Variants in RARRES1 observed in about 807,000 individuals in gnomAD.
RARRES1 encodes retinoic acid receptor responder 1.
In RARRES1, 34 loss-of-function variants were observed where a neutral mutation model predicts 30.6. The observed-to-expected ratio is 1.11, with a 90% CI of 0.84 to 1.48. RARRES1 has a LOEUF of 1.48. Among genes scored for constraint, RARRES1 ranks in the 40% most tolerant of loss-of-function variants. The probability of loss-of-function intolerance (pLI) is 0.00; values close to 1 mark genes in which losing one functional copy is unlikely to be tolerated. For synonymous variants in RARRES1, 153 were observed against 155.5 expected, an observed-to-expected ratio of 0.98 and a Z score of 0.12; for missense variants, 373 against 386.5, an observed-to-expected ratio of 0.97 and a Z score of 0.29.
chr3:158,732,350 G>C lies in RARRES1; in HGVS notation c.66C>G (p.Ala22=), dbSNP rs1337203933. The part of the protein sequence containing the change: ...WSGPRGPRPT[A]PLLALLLLLA... ...GCAACAGCAGCAGCGCGAGCAGCGG[G>C]GCGGTGGGGCGCGGGCCCCTGGGCC... Residue 22 remains alanine (A), a synonymous_variant, in exon 1 of 6, where the codon GCC becomes GCG. Transcript: ENST00000237696. 2 of 1,442,638 alleles carry C rather than the reference G, an allele frequency of 1.4e-6. No homozygotes were observed. Among genetic ancestry groups the C allele is most frequent in the Non-Finnish European group, 1.8e-6 (2 of 1,105,244 alleles). The allele number at this position is 1,442,638 out of a possible 1,614,324, so 89.4% of individuals were successfully genotyped here.
In RARRES1 at chr3:158,697,578, A is replaced by T. The variant is rs552213728; in HGVS notation, c.*100T>A. The T allele has an allele frequency of 5.2e-5, 67 of 1,285,990 alleles. No homozygotes were observed. Among genetic ancestry groups the T allele is most frequent in the Non-Finnish European group, 6.8e-5 (64 of 934,702 alleles). The allele number at this position is 1,285,990 out of a possible 1,614,324, so 79.7% of individuals were successfully genotyped here. On this transcript the variant is annotated 3_prime_UTR_variant, in exon 6 of 6. Coordinates refer to ENST00000237696, the MANE Select transcript of RARRES1 (RefSeq NM_206963.2). ...TTTACTTGTAATCATAGGTTTTCCCAAATTATTAGAATGTCTATACCTTAG... is the reference window on the plus strand; with the variant it reads ...TTTACTTGTAATCATAGGTTTTCCCTAATTATTAGAATGTCTATACCTTAG...
intron 3 of RARRES1, 106 bp from the exon 4 acceptor site, chr3:158,705,033 C>G: frequency 1.4e-6 from 2 of 1,403,924 alleles, no homozygotes; most frequent in South Asian, 2.9e-5. Context: ...CCAGTCATCT[C>G]TCTCACAGCA....
chr3:158,715,276 A>G (rs1196910429), intron 1 of RARRES1, among the ~76,000 whole-genome samples: 1 of 152,212 alleles, frequency 6.6e-6, no homozygotes, highest in Non-Finnish European at 1.5e-5. Context: ...TATCTTGGAA[A>G]CAGTTTTGTA....
At chr3:158,717,272 A>G (rs1033839379) in intron 1 of RARRES1, among the ~76,000 whole-genome samples, 1 of 152,270 alleles carries the variant, frequency 6.6e-6, no homozygotes, top group Non-Finnish European at 1.5e-5. Context: ...TGGGTGCAGG[A>G]AAGACAGAGC....
chr3:158,700,099 C>A (rs1026952635), intron 4 of RARRES1, among the ~76,000 whole-genome samples: 10 of 151,738 alleles, frequency 6.6e-5, no homozygotes, highest in Non-Finnish European at 1.5e-4. Flanking sequence ...TTTGGGAGGC[C>A]AAAGTGGGAG....
At chr3:158,729,645 G>T (rs1433494750) in intron 1 of RARRES1, among the ~76,000 whole-genome samples, 1 of 151,934 alleles carries the variant, frequency 6.6e-6, no homozygotes, top group Non-Finnish European at 1.5e-5. Context: ...GTAGAGAAGG[G>T]GTTTCACTAT....
At chr3:158,707,731 T>C (rs1726973495) in intron 3 of RARRES1, among the ~76,000 whole-genome samples, 1 of 152,196 alleles carries the variant, frequency 6.6e-6, no homozygotes, top group African/African-American at 2.4e-5. Context: ...AATAGCAGCA[T>C]TGAAGACTCA....
At chr3:158,701,974 A>G (rs567518500) in intron 4 of RARRES1, among the ~76,000 whole-genome samples, 29 of 151,548 alleles carry the variant, frequency 1.9e-4, no homozygotes, top group African/African-American at 4.6e-4. Flanking sequence ...TCGCAGGGGG[A>G]AAAAAAAATC....
chr3:158,724,226 C>T (rs576187298), intron 1 of RARRES1, among the ~76,000 whole-genome samples: 1 of 152,272 alleles, frequency 6.6e-6, no homozygotes, highest in African/African-American at 2.4e-5. Context: ...TAAATATTTG[C>T]AGGAGCTCAC....
rs1249364219 is a variant in RARRES1 at position 158,698,915 on chromosome 3, T to C, written c.673-945A>G. Among the ~76,000 whole-genome samples, 5 of 152,302 alleles carry C rather than the reference T, an allele frequency of 3.3e-5. No individual in the cohort carries two copies. The East Asian group carries it at 9.6e-4, about 29-fold the overall frequency. ...CTCTTTAGAAATGGAATCATAACTT[T>C]TACCTTCCCTTTTACCAGACACTCC... On this transcript the variant is annotated intron_variant, in intron 4 of 5. Coordinates refer to ENST00000237696, the MANE Select transcript of RARRES1 (RefSeq NM_206963.2).
chr3:158,703,920 T>G (rs113790993), intron 4 of RARRES1, among the ~76,000 whole-genome samples: 1 of 152,148 alleles, frequency 6.6e-6, no homozygotes, highest in Admixed American at 6.5e-5. Context: ...GTCCAGAAGA[T>G]TATACAAATT....
rs781535998 is a variant in RARRES1, at chr3:158,720,233, GGT to G, written c.277-6376_277-6375del. Among the ~76,000 whole-genome samples, 1,043 of 139,184 alleles carry G rather than the reference GGT, an allele frequency of 7.5e-3. 6 individuals carry two copies. Among genetic ancestry groups the G allele is most frequent in the East Asian group, 0.018 (84 of 4,800 alleles). The allele number at this position is 139,184 out of a possible 152,430, so 91.3% of individuals were successfully genotyped here. On this transcript the variant is annotated intron_variant, in intron 1 of 5. Transcript: ENST00000237696. The stretch of plus-strand genomic sequence containing the variant: ...AAAGGAAGAATAAAAGCTGGCTGCT[GGT>G]GTGTGTGTGTGTGTGTGTGTGTGTG...
intron 1 of RARRES1, among the ~76,000 whole-genome samples, chr3:158,721,719 A>T (rs1262510939): frequency 6.6e-6 from 1 of 152,222 alleles, no homozygotes; most frequent in Non-Finnish European, 1.5e-5. Flanking sequence ...TAGAAAGTGC[A>T]TGTGGCAGGT....
intron 1 of RARRES1, 67 bp from the exon 2 acceptor site, chr3:158,713,926 A>C: frequency 1.4e-6 from 2 of 1,389,488 alleles, no homozygotes; most frequent in East Asian, 2.3e-5. Flanking sequence ...TCCAGGAATC[A>C]CACTCTTAGG....
chr3:158,706,944 GGATCAC>G (rs1165254998), intron 3 of RARRES1, among the ~76,000 whole-genome samples: 1 of 152,144 alleles, frequency 6.6e-6, no homozygotes, highest in Non-Finnish European at 1.5e-5. Context: ...CAAGGGGGGT[GGATCAC>G]CGGAGGTCAG....
intron 4 of RARRES1, among the ~76,000 whole-genome samples, chr3:158,704,393 G>A (rs187892505): frequency 1.3e-5 from 2 of 151,868 alleles, no homozygotes; most frequent in East Asian, 3.9e-4. Flanking sequence ...CACTACATCT[G>A]GCTAATTTTT....
At chr3:158,699,363 A>G (rs1726649072) in intron 4 of RARRES1, among the ~76,000 whole-genome samples, 1 of 152,116 alleles carries the variant, frequency 6.6e-6, no homozygotes. Flanking sequence ...TGCAAGCAGC[A>G]AGTGATTAAA....
In RARRES1 at chr3:158,704,872, A is replaced by G; in HGVS notation, c.591T>C (p.Leu197=). 3 of 1,614,044 alleles carry G rather than the reference A, an allele frequency of 1.9e-6. No individual in the cohort carries two copies. Among genetic ancestry groups the G allele is most frequent in the Non-Finnish European group, 2.5e-6 (3 of 1,179,998 alleles). Residue 197 remains leucine (L), a synonymous_variant, in exon 4 of 6, where the codon CTT becomes CTC. Coordinates refer to ENST00000237696, the MANE Select transcript of RARRES1 (RefSeq NM_206963.2). Reference sequence around the variant, plus strand: ...TTTCCCACATCACGTAAGAGCTTCCAAGGAAAGCCAAATCCCAGATGAGTC... The same window carrying G: ...TTTCCCACATCACGTAAGAGCTTCCGAGGAAAGCCAAATCCCAGATGAGTC... ...SLRLIWDLAF[L]GSSYVMWEMT...
In RARRES1 at chr3:158,697,619, A is replaced by T. The variant is rs1726588975; in HGVS notation, c.*59T>A. ...TATACCTTAGCTGTTTTACTAGAAGAATGATTTATGCTAGTATAGTCACTT... is the reference window on the plus strand; with the variant it reads ...TATACCTTAGCTGTTTTACTAGAAGTATGATTTATGCTAGTATAGTCACTT... On this transcript the variant is annotated 3_prime_UTR_variant, in exon 6 of 6. Transcript: ENST00000237696. 6.9e-7 allele frequency: 1 copy of T among 1,439,294 alleles called. No homozygotes were observed. Among genetic ancestry groups the T allele is most frequent in the Non-Finnish European group, 9.6e-7 (1 of 1,046,986 alleles). 89.2% of individuals were successfully genotyped at this position (1,439,294 alleles called of 1,614,324 possible).
Sources: allele counts gnomAD v4.1 joint callset (sites outside exome capture counted in the v4.1 genomes callset), GRCh38; gene constraint gnomAD v4.1.1; transcripts MANE v1.5; gene names NCBI Gene and HGNC (gene_info 2026-07-23, HGNC 2026-07-21).